Variants in TCAIM observed in about 807,000 individuals in gnomAD.
TCAIM encodes the protein T-cell activation inhibitor, mitochondrial.
A neutral mutation model predicts 58.6 loss-of-function variants in TCAIM; 36 were observed. The ratio of observed to expected loss-of-function variants is 0.61; its 90% CI spans 0.47 to 0.81. The LOEUF (loss-of-function observed/expected upper bound fraction) is 0.81. TCAIM is among the 30% of genes least tolerant of loss of function. The pLI, the probability that TCAIM is intolerant of heterozygous loss-of-function variation, is 0.00. For missense variants in TCAIM, 466 were observed against 579.6 expected (o/e 0.80, Z 2.01); for synonymous variants, 172 against 193.6 (o/e 0.89, Z 0.93).
intron 1 of TCAIM, among the ~76,000 whole-genome samples, chr3:44,351,299 A>C (rs1701083826): frequency 6.6e-6 from 1 of 151,242 alleles, no homozygotes; most frequent in African/African-American, 2.4e-5. Context: ...CGGAGCAAAG[A>C]GCAGGAGAAC....
At position 44,392,843 on chromosome 3, in the gene TCAIM, C is replaced by T; in HGVS notation, c.573-12C>T. 1.2e-6 allele frequency: 2 copies of T among 1,609,580 alleles called. No individual in the cohort carries two copies. The highest frequency in any genetic ancestry group is 1.7e-6 in the Non-Finnish European group (2 of 1,177,662). ...AGTTAGTATTGTAAAGTATGTATCTCTCTCTTTCTAGATCCTGGTTAGATA... is the reference window on the plus strand; with the variant it reads ...AGTTAGTATTGTAAAGTATGTATCTTTCTCTTTCTAGATCCTGGTTAGATA... On this transcript the variant is annotated splice_polypyrimidine_tract_variant and intron_variant, in intron 5 of 10. Transcript: ENST00000342649.
At chr3:44,356,253 A>G (rs921203343) in intron 2 of TCAIM, among the ~76,000 whole-genome samples, 2 of 152,230 alleles carry the variant, frequency 1.3e-5, no homozygotes, top group Non-Finnish European at 2.9e-5. Flanking sequence ...TGGGCCAGGC[A>G]CAGTGGCTCA....
chr3:44,384,370 T>C (rs1292929056), intron 5 of TCAIM, among the ~76,000 whole-genome samples: 2 of 152,254 alleles, frequency 1.3e-5, no homozygotes, highest in Non-Finnish European at 2.9e-5. Context: ...CCTTATGGTT[T>C]AATTTATAGT....
chr3:44,396,171 C>A (rs1457768998), intron 6 of TCAIM, among the ~76,000 whole-genome samples: 1 of 152,170 alleles, frequency 6.6e-6, no homozygotes, highest in East Asian at 1.9e-4. Flanking sequence ...TCTTTGGATA[C>A]CTGAACATAG....
chr3:44,351,406 G>T (rs1053961877), intron 1 of TCAIM, among the ~76,000 whole-genome samples: 2 of 151,884 alleles, frequency 1.3e-5, no homozygotes, highest in African/African-American at 4.8e-5. Context: ...AGTGGTAGAA[G>T]TATTTTCTGT....
intron 5 of TCAIM, among the ~76,000 whole-genome samples, chr3:44,379,925 A>G (rs989291552): frequency 6.6e-6 from 1 of 152,144 alleles, no homozygotes; most frequent in Non-Finnish European, 1.5e-5. Context: ...AGGATCAGGA[A>G]CAATAACTAT....
chr3:44,364,585 AC>A (rs1366621362), intron 4 of TCAIM, among the ~76,000 whole-genome samples: 1 of 152,108 alleles, frequency 6.6e-6, no homozygotes, highest in African/African-American at 2.4e-5. Context: ...TACTAAAAAT[AC>A]AAAAAATTAA....
chr3:44,407,873 T>C lies in TCAIM; in HGVS notation c.*191T>C, dbSNP rs1250543075. On this transcript the variant is annotated 3_prime_UTR_variant, in exon 11 of 11. Transcript: ENST00000342649. ...TTTATATGCCAGGCGTGGTGGCTCA[T>C]GCCTGCGGTCCCAGCTACTTAGGGA... is the stretch of plus-strand genomic sequence containing the variant. 1.8e-6 allele frequency: 1 copy of C among 556,514 alleles called. No homozygotes were observed. The highest frequency in any genetic ancestry group is 2.9e-6 in the Non-Finnish European group (1 of 347,950). 34.5% of individuals were successfully genotyped at this position (556,514 alleles called of 1,614,324 possible).
chr3:44,358,647 A>G, intron 3 of TCAIM: 2 of 616,272 alleles, frequency 3.2e-6, no homozygotes, highest in Non-Finnish European at 4.1e-6. Flanking sequence ...ACTATTTTAT[A>G]TGAGAGACTT....
At chr3:44,369,977 C>T (rs1219779136) in intron 5 of TCAIM, among the ~76,000 whole-genome samples, 1 of 152,092 alleles carries the variant, frequency 6.6e-6, no homozygotes, top group African/African-American at 2.4e-5. Flanking sequence ...TCTTAAAGTG[C>T]TTCTGTTAAT....
At chr3:44,377,458 T>C (rs1701583906) in intron 5 of TCAIM, among the ~76,000 whole-genome samples, 1 of 152,144 alleles carries the variant, frequency 6.6e-6, no homozygotes, top group South Asian at 2.1e-4. Flanking sequence ...CAATAGTGTA[T>C]AGAAGAACCA....
At chr3:44,343,585 A>C (rs563965028) in intron 1 of TCAIM, among the ~76,000 whole-genome samples, 1 of 152,288 alleles carries the variant, frequency 6.6e-6, no homozygotes, top group Non-Finnish European at 1.5e-5. Context: ...ACACATCTCT[A>C]TTTAGACTAA....
At chr3:44,371,762 G>A (rs973896035) in intron 5 of TCAIM, among the ~76,000 whole-genome samples, 2 of 152,116 alleles carry the variant, frequency 1.3e-5, no homozygotes, top group Non-Finnish European at 2.9e-5. Flanking sequence ...CTGAGGGTTT[G>A]TTCAATGTTT....
chr3:44,345,883 G>A (rs1700956052), intron 1 of TCAIM, among the ~76,000 whole-genome samples: 1 of 152,198 alleles, frequency 6.6e-6, no homozygotes, highest in South Asian at 2.1e-4. Context: ...ACCGGCAGTG[G>A]AAACAAGGGC....
At chr3:44,399,539 C>T (rs1399962002) in intron 8 of TCAIM, among the ~76,000 whole-genome samples, 2 of 152,132 alleles carry the variant, frequency 1.3e-5, no homozygotes. Flanking sequence ...CCTACGTCCC[C>T]CTTCAGCCCT....
intron 1 of TCAIM, among the ~76,000 whole-genome samples, chr3:44,346,630 T>C (rs1700974273): frequency 6.6e-6 from 1 of 152,214 alleles, no homozygotes; most frequent in Admixed American, 6.5e-5. Flanking sequence ...AGAGGCACGC[T>C]AGCGGCTTGT....
At chr3:44,390,399 T>C (rs1054283039) in intron 5 of TCAIM, among the ~76,000 whole-genome samples, 6 of 152,288 alleles carry the variant, frequency 3.9e-5, no homozygotes, top group Admixed American at 3.3e-4. Context: ...GGGAGGATCA[T>C]TTGAGCCCAG....
intron 1 of TCAIM, among the ~76,000 whole-genome samples, chr3:44,353,339 T>C (rs1262118525): frequency 2.0e-5 from 3 of 152,226 alleles, no homozygotes; most frequent in Admixed American, 6.5e-5. Flanking sequence ...AAGGACATCG[T>C]GGTTGCTTCC....
chr3:44,382,527 G>T (rs1198429487), intron 5 of TCAIM, among the ~76,000 whole-genome samples: 1 of 152,198 alleles, frequency 6.6e-6, no homozygotes, highest in Non-Finnish European at 1.5e-5. Flanking sequence ...TCAACAAATG[G>T]TACTGGGAAA....
Sources: gnomAD v4.1 joint callset for allele counts (sites outside exome capture counted in the v4.1 genomes callset) on GRCh38, gnomAD v4.1.1 for gene constraint, MANE v1.5 for transcripts, NCBI Gene and HGNC (gene_info 2026-07-23, HGNC 2026-07-21) for gene names.